The following XRCC5 variants were observed in gnomAD, a reference collection of about 807,000 sequenced individuals.
The protein encoded by XRCC5 is DNA repair protein Ku80.
In XRCC5, 12 loss-of-function variants were observed where a neutral mutation model predicts 95.7. The ratio of observed to expected loss-of-function variants is 0.13; its 90% CI spans 0.08 to 0.20. The LOEUF (loss-of-function observed/expected upper bound fraction) is 0.20, where lower values mean the gene tolerates loss of function less well. XRCC5 is among the 10% of genes least tolerant of loss of function. The pLI is 1.00. For missense variants in XRCC5, 595 were observed against 873.9 expected, an observed-to-expected ratio of 0.68 and a Z score of 4.02; for synonymous variants, 281 against 290.3, an observed-to-expected ratio of 0.97 and a Z score of 0.33.
At chr2:216,198,577 A>G (rs1429358418) in intron 19 of XRCC5, among the ~76,000 whole-genome samples, 3 of 150,544 alleles carry the variant, frequency 2.0e-5, no homozygotes, top group African/African-American at 7.4e-5. Flanking sequence ...TTATTTAGAG[A>G]CAGAGTCTCC....
chr2:216,183,912 A>G (rs768793615), intron 16 of XRCC5, among the ~76,000 whole-genome samples: 6 of 152,170 alleles, frequency 3.9e-5, no homozygotes, highest in Admixed American at 6.5e-5. Context: ...CTCAATAAGA[A>G]TATTTCATTA....
rs41296936 is a variant in XRCC5, at chr2:216,113,801, C to T, written c.135+672C>T. Among the ~76,000 whole-genome samples the T allele has an allele frequency of 4.1e-3, 618 of 152,316 alleles. 2 individuals are homozygous for T. Among genetic ancestry groups the T allele is most frequent in the African/African-American group, 0.014 (597 of 41,558 alleles). On this transcript the variant is annotated intron_variant, in intron 2 of 20. Transcript: ENST00000392132. ...GTGGTTTCTGTATAGTTTCAATTTT[C>T]ACATGAAGCAGCTGGTTCTAAGGAG...
At chr2:216,186,711 G>C (rs916586707) in intron 16 of XRCC5, among the ~76,000 whole-genome samples, 5 of 152,130 alleles carry the variant, frequency 3.3e-5, no homozygotes, top group Non-Finnish European at 7.3e-5. Flanking sequence ...ATTTCGAAAA[G>C]CATTTTGGTG....
At chr2:216,182,068 A>G (rs1689399092) in intron 16 of XRCC5, among the ~76,000 whole-genome samples, 1 of 152,184 alleles carries the variant, frequency 6.6e-6, no homozygotes, top group African/African-American at 2.4e-5. Flanking sequence ...TTCCTTTCAA[A>G]AAAGACTCAA....
At chr2:216,112,312 T>C (rs1368953979) in intron 1 of XRCC5, among the ~76,000 whole-genome samples, 1 of 151,472 alleles carries the variant, frequency 6.6e-6, no homozygotes, top group African/African-American at 2.5e-5. Flanking sequence ...GAAATCCACA[T>C]TCAGGAAGCC....
Position 216,205,410 on chromosome 2 carries a change from A to G in XRCC5, c.*208A>G. 3 of 575,674 alleles carry G rather than the reference A, an allele frequency of 5.2e-6. No individual in the cohort carries two copies. Among genetic ancestry groups the G allele is most frequent in the Admixed American group, 6.5e-5 (2 of 30,938 alleles). The allele number at this position is 575,674 out of a possible 1,614,324, so 35.7% of individuals were successfully genotyped here. A position where few individuals can be genotyped will look rare whatever the true frequency, so the allele number is the denominator to read the frequency against. On this transcript the variant is annotated 3_prime_UTR_variant, in exon 21 of 21. Coordinates refer to ENST00000392132, the MANE Select transcript of XRCC5 (RefSeq NM_021141.4). ...TAATTTAGACCCCATACAAGTTTAT[A>G]AAGAGTCATTGTTATTTTCTGGTTG...
intron 19 of XRCC5, among the ~76,000 whole-genome samples, chr2:216,201,725 A>G (rs564351663): frequency 6.6e-6 from 1 of 152,314 alleles, no homozygotes; most frequent in African/African-American, 2.4e-5. Flanking sequence ...TTTCTGCAGA[A>G]GAGATTCGGA....
At chr2:216,121,723 G>A (rs969653141) in intron 5 of XRCC5, among the ~76,000 whole-genome samples, 20 of 152,176 alleles carry the variant, frequency 1.3e-4, no homozygotes, top group African/African-American at 4.1e-4. Flanking sequence ...GCCAGTCGGA[G>A]AGAGTGAAGC....
At chr2:216,187,786 GACACACACACACAC>G (rs149998611) in intron 16 of XRCC5, among the ~76,000 whole-genome samples, 2 of 64,536 alleles carry the variant, frequency 3.1e-5, no homozygotes, top group Non-Finnish European at 5.0e-5. Flanking sequence ...ATGAACTCCT[GACACACACACACAC>G]ACACACACAC....
chr2:216,127,383 A>C (rs935386736), intron 7 of XRCC5, among the ~76,000 whole-genome samples, 153 bp from the exon 8 acceptor site: 9 of 152,252 alleles, frequency 5.9e-5, no homozygotes, highest in African/African-American at 2.2e-4. Flanking sequence ...GAAATAAACT[A>C]AAATTTTCAT....
At chr2:216,161,398 A>T (rs1351957319) in intron 15 of XRCC5, among the ~76,000 whole-genome samples, 1 of 152,186 alleles carries the variant, frequency 6.6e-6, no homozygotes, top group Non-Finnish European at 1.5e-5. Flanking sequence ...TTCGTCTTTC[A>T]AACTTCCTCA....
chr2:216,150,055 A>T (rs893731334), intron 14 of XRCC5, among the ~76,000 whole-genome samples: 1 of 152,160 alleles, frequency 6.6e-6, no homozygotes, highest in African/African-American at 2.4e-5. Flanking sequence ...AAGGTTCTAA[A>T]ACCCCTCAAT....
Position 216,147,985 on chromosome 2 carries a change from G to T in XRCC5, c.1477-98G>T, listed in dbSNP as rs561349896. 9.4e-6 allele frequency: 12 copies of T among 1,274,926 alleles called. No homozygotes were observed. The African/African-American group carries it at 1.7e-4, about 18-fold the overall frequency. 79.0% of individuals were successfully genotyped at this position (1,274,926 alleles called of 1,614,324 possible). A position where few individuals can be genotyped will look rare whatever the true frequency, so the allele number is the denominator to read the frequency against. ...TTTTACATGTGGTATGAATCACTTAGCCCTCCCACACTAAAGATGGAGGAT... is the reference window on the plus strand; with the variant it reads ...TTTTACATGTGGTATGAATCACTTATCCCTCCCACACTAAAGATGGAGGAT... On this transcript the variant is annotated intron_variant, in intron 13 of 20. Transcript: ENST00000392132.
intron 10 of XRCC5, among the ~76,000 whole-genome samples, chr2:216,135,792 C>CT (rs1697065019): frequency 7.3e-6 from 1 of 137,790 alleles, no homozygotes; most frequent in Non-Finnish European, 1.5e-5. Flanking sequence ...GAGTGAGACT[C>CT]TGTCTCAAAA....
intron 6 of XRCC5, among the ~76,000 whole-genome samples, chr2:216,123,682 T>G (rs1014657018): frequency 6.6e-6 from 1 of 152,176 alleles, no homozygotes; most frequent in African/African-American, 2.4e-5. Context: ...GGTGCATGCC[T>G]GTAGTCCTAG....
rs148013888 is a variant in XRCC5 at position 216,154,602 on chromosome 2, C to A, written c.1671-5466C>A. ...GTTTAAAAAACAAACCTGATCCCAT[C>A]ACTGTCTTGCTTAAAATTCTTAAAA... On this transcript the variant is annotated intron_variant, in intron 14 of 20. Coordinates refer to ENST00000392132, the MANE Select transcript of XRCC5 (RefSeq NM_021141.4). Among the ~76,000 whole-genome samples the A allele has an allele frequency of 4.4e-3, 667 of 152,344 alleles. 3 individuals carry two copies. The highest frequency in any genetic ancestry group is 0.015 in the African/African-American group (644 of 41,576).
chr2:216,112,681 G>A (rs1342116990), intron 1 of XRCC5, among the ~76,000 whole-genome samples: 3 of 152,154 alleles, frequency 2.0e-5, no homozygotes, highest in African/African-American at 7.2e-5. Flanking sequence ...ATGTATATTG[G>A]GCATAAATGG....
chr2:216,132,399 G>C lies in XRCC5; in HGVS notation c.1113+12G>C. 1 of 1,613,618 alleles carries C rather than the reference G, an allele frequency of 6.2e-7. No individual in the cohort carries two copies. The highest frequency in any genetic ancestry group is 8.5e-7 in the Non-Finnish European group (1 of 1,179,572). ...CAAGAGATGATGAGGTGAGTTGGCA[G>C]CAGGTCTTTGAGGTAGTGCTACAGA... On this transcript the variant is annotated intron_variant, in intron 10 of 20. Coordinates refer to ENST00000392132, the MANE Select transcript of XRCC5 (RefSeq NM_021141.4).
intron 16 of XRCC5, among the ~76,000 whole-genome samples, chr2:216,184,830 C>A (rs1341099603): frequency 1.3e-5 from 2 of 152,192 alleles, no homozygotes; most frequent in Non-Finnish European, 2.9e-5. Flanking sequence ...TTAAAAGAGG[C>A]CATCCCCTTG....
Sources: allele counts gnomAD v4.1 joint callset (sites outside exome capture counted in the v4.1 genomes callset), GRCh38; gene constraint gnomAD v4.1.1; transcripts MANE v1.5; gene names NCBI Gene and HGNC (gene_info 2026-07-23, HGNC 2026-07-21).